SPDYE16: variants seen among roughly 807,000 people sequenced by gnomAD.
SPDYE16 encodes the protein speedy protein E16.
SPDYE16 carries 5 observed loss-of-function variants against 40.1 expected under a neutral mutation model. The observed-to-expected ratio is 0.12, with a 90% confidence interval of 0.07 to 0.26. SPDYE16 has a LOEUF of 0.26. Among genes scored for constraint, SPDYE16 ranks in the 10% least tolerant of loss-of-function variants. SPDYE16 has a pLI of 1.00. For missense variants in SPDYE16, 98 were observed against 409.8 expected, an observed-to-expected ratio of 0.24 and a Z score of 6.57; for synonymous variants, 40 against 154.2, an observed-to-expected ratio of 0.26 and a Z score of 5.49.
At position 76,533,336 on chromosome 7, in the gene SPDYE16, C is replaced by T; in HGVS notation, c.*45+313G>A. ...ACTCAAGTGCGTCAGTCATAATGAA[C>T]CTCCCCAAACTCAGTATTTATGATT... On this transcript the variant is annotated intron_variant, in intron 8 of 8. Transcript: ENST00000633306. 3 of 638,038 alleles carry T rather than the reference C, an allele frequency of 4.7e-6. 1 individual carries two copies. Among genetic ancestry groups the T allele is most frequent in the Non-Finnish European group, 6.0e-6 (3 of 497,560 alleles). The allele number at this position is 638,038 out of a possible 1,614,324, so 39.5% of individuals were successfully genotyped here.
chr7:76,539,067 C>T (rs3972932), intron 3 of SPDYE16, among the ~76,000 whole-genome samples: 1,040 of 55,340 alleles, frequency 0.019, 33 homozygotes, highest in African/African-American at 0.058. Context: ...CTGAGTCTCT[C>T]TTTTTTTTTT....
At chr7:76,539,821 G>C (rs1310530857) in intron 3 of SPDYE16, among the ~76,000 whole-genome samples, 2 of 114,140 alleles carry the variant, frequency 1.8e-5, no homozygotes, top group Non-Finnish European at 3.5e-5. Flanking sequence ...GCTCACTGCA[G>C]TCTCAAAGTC....
chr7:76,540,956 C>CTTCTT (rs1184331192), intron 2 of SPDYE16, among the ~76,000 whole-genome samples: 655 of 139,224 alleles, frequency 4.7e-3, no homozygotes, highest in African/African-American at 0.019. Context: ...ACCGCTGACC[C>CTTCTT]TTCTTTTCTT....
intron 3 of SPDYE16, 121 bp downstream of exon 3, chr7:76,540,006 CT>C (rs1465757503): frequency 8.1e-7 from 1 of 1,234,638 alleles, no homozygotes; most frequent in Non-Finnish European, 1.1e-6. Context: ...CTTCTGAGTC[CT>C]CCTGCGTGGA....
rs1458195018 is a variant in SPDYE16, at chr7:76,533,968, G to A, written c.907C>T (p.Arg303Cys). Residue 303 changes from arginine to cysteine, a missense_variant, in exon 7 of 9, where the codon CGC becomes TGC. Transcript: ENST00000633306. ...TTCTGGAACAGGGCTATCTGAGAGC[G>A]GTTCTTCCTGGCCCTCGGGTTCATG... is the stretch of plus-strand genomic sequence containing the variant. ...RCMNPRARKN[R>C]SQIALFQKLR... The A allele has an allele frequency of 3.7e-5, 43 of 1,163,948 alleles. 7 individuals carry two copies. The highest frequency in any genetic ancestry group is 2.5e-4 in the Admixed American group (11 of 43,380). The allele number at this position is 1,163,948 out of a possible 1,614,324, so 72.1% of individuals were successfully genotyped here.
rs201973470 is a variant in SPDYE16, at chr7:76,533,848, C to A, written c.999+28G>T. 126 of 1,183,630 alleles carry A rather than the reference C, an allele frequency of 1.1e-4. 4 individuals are homozygous for A. The highest frequency in any genetic ancestry group is 6.5e-4 in the Middle Eastern group (2 of 3,056). 73.3% of individuals were successfully genotyped at this position (1,183,630 alleles called of 1,614,324 possible). Reference sequence around the variant, plus strand: ...TCCAGCCCACCCGATTCCTCCCCACCTCCTCCACCTCCCCAGGCCCCACTC... The same window carrying A: ...TCCAGCCCACCCGATTCCTCCCCACATCCTCCACCTCCCCAGGCCCCACTC... On this transcript the variant is annotated intron_variant, in intron 7 of 8. Transcript: ENST00000633306.
At chr7:76,539,067 C>CTTTT (rs1179456186) in intron 3 of SPDYE16, among the ~76,000 whole-genome samples, 1 of 56,650 alleles carries the variant, frequency 1.8e-5, no homozygotes, top group Admixed American at 2.0e-4. Flanking sequence ...CTGAGTCTCT[C>CTTTT]TTTTTTTTTT....
At chr7:76,541,155 G>A (rs1813171848) in intron 2 of SPDYE16, 145 bp downstream of exon 2, 25 of 1,226,540 alleles carry the variant, frequency 2.0e-5, no homozygotes, top group Non-Finnish European at 2.7e-5. Flanking sequence ...TATTGGCCAG[G>A]CTGGCCTTGA....
At chr7:76,537,933 T>C (rs1813071476) in intron 4 of SPDYE16, among the ~76,000 whole-genome samples, 1 of 79,480 alleles carries the variant, frequency 1.3e-5, no homozygotes, top group African/African-American at 7.0e-5. Context: ...TGGAGACACT[T>C]AGGTTTAGAA....
intron 4 of SPDYE16, among the ~76,000 whole-genome samples, chr7:76,537,879 T>TCA (rs1472508406): frequency 1.4e-5 from 1 of 72,864 alleles, no homozygotes; most frequent in Admixed American, 1.3e-4. Flanking sequence ...CATGAGACAG[T>TCA]CACATCAGGG....
Position 76,533,481 on chromosome 7 carries a change from T to G in SPDYE16, c.*45+168A>C, listed in dbSNP as rs1216887335. 9 of 722,808 alleles carry G rather than the reference T, an allele frequency of 1.2e-5. No individual in the cohort carries two copies. The African/African-American group carries it at 3.2e-4, about 26-fold the overall frequency. 44.8% of individuals were successfully genotyped at this position (722,808 alleles called of 1,614,324 possible). On this transcript the variant is annotated intron_variant, in intron 8 of 8. Transcript: ENST00000633306. ...CCTCCCGCCTCAGCCTCCTGAGTAG[T>G]TGGGAGTAGAGATGCATCCCACGTC...
Position 76,538,762 on chromosome 7 carries a change from C to T in SPDYE16, c.434G>A (p.Arg145Lys). Residue 145 changes from arginine to lysine, a missense_variant, in exon 4 of 9, where the codon AGG becomes AAG. Transcript: ENST00000633306. The stretch of plus-strand genomic sequence containing the variant: ...CTCCTCAGATTCGTCCCACCACTCC[C>T]TCTTCCTTTTCCAGCAAAAGGACCT... The part of the protein sequence containing the change: ...PHRSFCWKRK[R>K]EWWDESEESL... The T allele has an allele frequency of 1.5e-5, 16 of 1,035,102 alleles. 7 individuals carry two copies. Among genetic ancestry groups the T allele is most frequent in the Non-Finnish European group, 2.1e-5 (16 of 778,862 alleles). The allele number at this position is 1,035,102 out of a possible 1,614,324, so 64.1% of individuals were successfully genotyped here.
chr7:76,537,889 G>A (rs1813070412), intron 4 of SPDYE16, among the ~76,000 whole-genome samples: 1 of 74,644 alleles, frequency 1.3e-5, no homozygotes, highest in South Asian at 5.3e-4. Context: ...TCACATCAGG[G>A]TGTGACCATG....
chr7:76,540,974 CTTTT>C (rs1292373639), intron 2 of SPDYE16, among the ~76,000 whole-genome samples: 1 of 113,430 alleles, frequency 8.8e-6, no homozygotes. Flanking sequence ...CTTTTCTTTT[CTTTT>C]TTTTTTTTTT....
chr7:76,541,002 G>C (rs1813166332), intron 2 of SPDYE16, among the ~76,000 whole-genome samples: 1 of 121,842 alleles, frequency 8.2e-6, no homozygotes, highest in African/African-American at 3.7e-5. Context: ...GAGTGCAGTA[G>C]CGTGATCTCA....
rs948084898 is a variant in SPDYE16 at position 76,541,346 on chromosome 7, C to T, written c.114G>A (p.Gly38=). 3.1e-5 allele frequency: 47 copies of T among 1,534,784 alleles called. No homozygotes were observed. In the Admixed American group the frequency reaches 7.5e-4, roughly 24 times the overall value. ...CATCCACCACCTCCTGGAGGGAGTA[C>T]CCCGAGGTGCTCCGCTGGGGACTCT... ...NEQSPQRSTS[G]YSLQEVVDDE... The change falls in exon 2 of 9, where the codon GGG becomes GGA. Residue 38 remains glycine (G), a synonymous_variant. Coordinates refer to ENST00000633306, the MANE Select transcript of SPDYE16 (RefSeq NM_001394943.1).
Position 76,539,432 on chromosome 7 carries a change from G to T in SPDYE16, c.380-616C>A, listed in dbSNP as rs538921902. Among the ~76,000 whole-genome samples, 3 of 93,514 alleles carry T rather than the reference G, an allele frequency of 3.2e-5. 1 individual carries two copies. In the East Asian group the frequency reaches 8.1e-4, roughly 25 times the overall value. 61.3% of individuals were successfully genotyped at this position (93,514 alleles called of 152,430 possible). On this transcript the variant is annotated intron_variant, in intron 3 of 8. Coordinates refer to ENST00000633306, the MANE Select transcript of SPDYE16 (RefSeq NM_001394943.1). ...CTCACGTGCTCCTTCCTGACTTCTGGGCCCGCCCTTCCTTCTTTTTTTTTT... is the reference window on the plus strand; with the variant it reads ...CTCACGTGCTCCTTCCTGACTTCTGTGCCCGCCCTTCCTTCTTTTTTTTTT...
chr7:76,540,956 C>CTTCTTTTCTT (rs1184331192), intron 2 of SPDYE16, among the ~76,000 whole-genome samples: 2 of 139,520 alleles, frequency 1.4e-5, no homozygotes, highest in African/African-American at 6.1e-5. Context: ...ACCGCTGACC[C>CTTCTTTTCTT]TTCTTTTCTT....
At position 76,541,423 on chromosome 7, in the gene SPDYE16, G is replaced by C. The variant is rs900157623; in HGVS notation, c.37C>G (p.Gln13Glu). The change falls in exon 2 of 9, where the codon CAG becomes GAG. Residue 13 changes from glutamine to glutamate, a missense_variant. Gln to Glu is a conservative substitution (Grantham distance 29). Transcript: ENST00000633306. ...CTGGTCGTGATCTTTCCCTTAATCT[G>C]TCCCCTCTTACGGAACCTAGTCTCC... ...RTETRFRKRG[Q>E]IKGKITTSRQ... is the part of the protein sequence containing the mutation. 6.5e-7 allele frequency: 1 copy of C among 1,534,542 alleles called. No individual in the cohort carries two copies. The highest frequency in any genetic ancestry group is 2.4e-5 in the East Asian group (1 of 40,874).
Sources: allele counts gnomAD v4.1 joint callset (sites outside exome capture counted in the v4.1 genomes callset), GRCh38; gene constraint gnomAD v4.1.1; transcripts MANE v1.5; gene names NCBI Gene and HGNC (gene_info 2026-07-23, HGNC 2026-07-21).